GPC6: variants seen among roughly 807,000 people sequenced by gnomAD.
GPC6 encodes glypican-6.
Under a neutral mutation model 55.2 loss-of-function variants are expected in GPC6, and 14 were observed. That is an observed-to-expected ratio of 0.25 (90% CI 0.17 to 0.40). GPC6 has a LOEUF of 0.40. Among genes scored for constraint, GPC6 ranks in the 10% least tolerant of loss-of-function variants. The probability of loss-of-function intolerance (pLI) is 1.00; values close to 1 mark genes in which losing one functional copy is unlikely to be tolerated. For missense variants in GPC6, 641 were observed against 708.5 expected (o/e 0.90, Z 1.08); for synonymous variants, 278 against 259.6 (o/e 1.07, Z -0.68).
At chr13:93,731,324 C>T (rs1883811490) in intron 2 of GPC6, among the ~76,000 whole-genome samples, 2 of 152,062 alleles carry the variant, frequency 1.3e-5, no homozygotes, top group Non-Finnish European at 2.9e-5. Flanking sequence ...GAGGTCTTGC[C>T]AGATTGCTCC....
At chr13:94,029,286 G>A (rs1883023317) in intron 4 of GPC6, among the ~76,000 whole-genome samples, 1 of 152,128 alleles carries the variant, frequency 6.6e-6, no homozygotes, top group Admixed American at 6.5e-5. Flanking sequence ...TCCCCACAGT[G>A]GGAGGACAAA....
At chr13:93,609,933 T>A (rs896165334) in intron 2 of GPC6, among the ~76,000 whole-genome samples, 2 of 152,168 alleles carry the variant, frequency 1.3e-5, no homozygotes, top group East Asian at 3.9e-4. Context: ...TCCTTTTTGA[T>A]TCTGATAGTG....
Position 93,390,171 on chromosome 13 carries a change from C to G in GPC6, c.161-155092C>G, listed in dbSNP as rs1218328807. 2.1e-3 allele frequency among the ~76,000 whole-genome samples: 11 copies of G among 5,144 alleles called. No homozygotes were observed. In the South Asian group the frequency reaches 0.068, roughly 32 times the overall value. The allele number at this position is 5,144 out of a possible 152,430, so 3.4% of individuals were successfully genotyped here. ...ATAGATGAGGTGGAAAGTGAAAATTCTGTTTTTTTTTTTTCTTTTTCCTTT... is the reference window on the plus strand; with the variant it reads ...ATAGATGAGGTGGAAAGTGAAAATTGTGTTTTTTTTTTTTCTTTTTCCTTT... On this transcript the variant is annotated intron_variant, in intron 1 of 8. Transcript: ENST00000377047.
chr13:94,372,335 G>A (rs1273748644), intron 6 of GPC6, among the ~76,000 whole-genome samples: 2 of 152,174 alleles, frequency 1.3e-5, no homozygotes, highest in Non-Finnish European at 2.9e-5. Context: ...CCAGACAGTG[G>A]GCGCAGGTCA....
chr13:94,343,905 A>AT lies in GPC6; in HGVS notation c.1152+37788dup, dbSNP rs1316608327. On this transcript the variant is annotated intron_variant, in intron 6 of 8. Transcript: ENST00000377047. ...GTCATCAGGCCCAGCTAATTTTTGT[A>AT]TTTTTTGTAGAGACCAGGTCTCACT... Among the ~76,000 whole-genome samples, 12 of 151,946 alleles carry AT rather than the reference A, an allele frequency of 7.9e-5. No individual in the cohort carries two copies. The South Asian group carries it at 2.5e-3, about 32-fold the overall frequency.
intron 3 of GPC6, among the ~76,000 whole-genome samples, chr13:93,982,877 A>G (rs1220214536): frequency 6.6e-6 from 1 of 152,204 alleles, no homozygotes; most frequent in Admixed American, 6.5e-5. Context: ...TCAAAAGATT[A>G]TAAGATGGGC....
intron 1 of GPC6, among the ~76,000 whole-genome samples, chr13:93,503,017 A>C (rs1880578172): frequency 6.6e-6 from 1 of 152,200 alleles, no homozygotes; most frequent in South Asian, 2.1e-4. Flanking sequence ...TATTGTAGAT[A>C]AGGTTGCACT....
At chr13:94,362,297 T>C (rs1442680300) in intron 6 of GPC6, among the ~76,000 whole-genome samples, 2 of 152,206 alleles carry the variant, frequency 1.3e-5, no homozygotes, top group East Asian at 1.9e-4. Context: ...GTAGCTTTAC[T>C]TGTCAGAAAA....
At chr13:93,947,383 AAAG>A (rs1372773073) in intron 3 of GPC6, among the ~76,000 whole-genome samples, 2 of 152,226 alleles carry the variant, frequency 1.3e-5, no homozygotes, top group African/African-American at 4.8e-5. Flanking sequence ...ATCGGAAAAA[AAAG>A]AGATGAATGG....
chr13:93,739,246 G>T (rs1050361045), intron 2 of GPC6, among the ~76,000 whole-genome samples: 2 of 152,024 alleles, frequency 1.3e-5, no homozygotes, highest in Admixed American at 1.3e-4. Flanking sequence ...ATAGATAAGA[G>T]AAGAAAACTA....
At chr13:93,421,311 C>T (rs1006696265) in intron 1 of GPC6, among the ~76,000 whole-genome samples, 1 of 151,996 alleles carries the variant, frequency 6.6e-6, no homozygotes, top group Non-Finnish European at 1.5e-5. Flanking sequence ...CTCCTCAGGC[C>T]GTCATGTATA....
chr13:93,655,703 A>G (rs1320297561), intron 2 of GPC6, among the ~76,000 whole-genome samples: 1 of 152,180 alleles, frequency 6.6e-6, no homozygotes, highest in Non-Finnish European at 1.5e-5. Flanking sequence ...AATGGCAACT[A>G]GTAAAGTCAA....
chr13:93,505,139 G>T (rs572298410), intron 1 of GPC6, among the ~76,000 whole-genome samples: 5 of 152,136 alleles, frequency 3.3e-5, no homozygotes, highest in African/African-American at 1.2e-4. Context: ...AATATTTACA[G>T]CCATGTTATG....
At chr13:94,271,725 T>A (rs908125475) in intron 4 of GPC6, among the ~76,000 whole-genome samples, 3 of 152,106 alleles carry the variant, frequency 2.0e-5, no homozygotes, top group African/African-American at 7.2e-5. Flanking sequence ...CATCTTCTGC[T>A]TCTCTCTCCA....
chr13:94,263,429 G>C (rs1466635304), intron 4 of GPC6, among the ~76,000 whole-genome samples: 1 of 152,182 alleles, frequency 6.6e-6, no homozygotes, highest in Non-Finnish European at 1.5e-5. Context: ...AAAAGGAATG[G>C]TGACAGAAAC....
rs1330455503 is a variant in GPC6 at position 94,407,000 on chromosome 13, C to G, written c.*3783C>G. 2 of 152,088 alleles carry G rather than the reference C, an allele frequency of 1.3e-5. No individual in the cohort carries two copies. Among genetic ancestry groups the G allele is most frequent in the Non-Finnish European group, 2.9e-5 (2 of 67,968 alleles). The allele number at this position is 152,088 out of a possible 1,614,324, so 9.4% of individuals were successfully genotyped here. On this transcript the variant is annotated 3_prime_UTR_variant, in exon 9 of 9. Coordinates refer to ENST00000377047, the MANE Select transcript of GPC6 (RefSeq NM_005708.5). ...ACTTATAAATTTGTAATGTGTTCCT[C>G]CTTGTTGGAGACATTAGCCAGTGTT...
At chr13:94,085,055 G>A (rs1185236850) in intron 4 of GPC6, among the ~76,000 whole-genome samples, 4 of 152,016 alleles carry the variant, frequency 2.6e-5, no homozygotes, top group Non-Finnish European at 5.9e-5. Flanking sequence ...TGGGCACGGT[G>A]GCTCACACCT....
chr13:93,798,922 A>AAAAAAAG (rs1886288536), intron 2 of GPC6, among the ~76,000 whole-genome samples: 1 of 151,470 alleles, frequency 6.6e-6, no homozygotes, highest in African/African-American at 2.4e-5. Context: ...CTGTCTCAAA[A>AAAAAAAG]AAAAAAAAAA....
chr13:93,875,236 G>C lies in GPC6; in HGVS notation c.711+44691G>C, dbSNP rs1024906334. Among the ~76,000 whole-genome samples the C allele has an allele frequency of 3.3e-5, 5 of 151,840 alleles. No individual in the cohort carries two copies. In the East Asian group the frequency reaches 9.7e-4, roughly 30 times the overall value. On this transcript the variant is annotated intron_variant, in intron 3 of 8. Coordinates refer to ENST00000377047, the MANE Select transcript of GPC6 (RefSeq NM_005708.5). Reference sequence around the variant, plus strand: ...CAAGACTACTCTGCAAAACTATCCTGACCTGCCATTTCTCCTTTTTCTCTT... The same window carrying C: ...CAAGACTACTCTGCAAAACTATCCTCACCTGCCATTTCTCCTTTTTCTCTT...
Sources: gnomAD v4.1 joint callset for allele counts (sites outside exome capture counted in the v4.1 genomes callset) on GRCh38, gnomAD v4.1.1 for gene constraint, MANE v1.5 for transcripts, NCBI Gene and HGNC (gene_info 2026-07-23, HGNC 2026-07-21) for gene names.